COBL: variants seen among roughly 807,000 people sequenced by gnomAD.
COBL encodes protein cordon-bleu.
COBL carries 51 observed loss-of-function variants against 98.8 expected under a neutral mutation model. The observed-to-expected ratio is 0.52, with a 90% CI of 0.41 to 0.65. COBL has a LOEUF of 0.65. COBL is among the 30% of genes least tolerant of loss of function. The pLI is 0.00. For missense variants in COBL, 1,617 were observed against 1,617.5 expected (o/e 1.00, Z 0.01); for synonymous variants, 634 against 651.7 (o/e 0.97, Z 0.41).
chr7:51,308,086 G>A (rs924154653), intron 1 of COBL, among the ~76,000 whole-genome samples: 1 of 152,228 alleles, frequency 6.6e-6, no homozygotes, highest in Non-Finnish European at 1.5e-5. Context: ...AGCCTGGCAA[G>A]GACCTGCCCT....
Position 51,016,721 on chromosome 7 carries a change from G to A in COBL, c.*830C>T, listed in dbSNP as rs975301687. 2 of 381,514 alleles carry A rather than the reference G, an allele frequency of 5.2e-6. No individual in the cohort carries two copies. The highest frequency in any genetic ancestry group is 9.3e-6 in the Non-Finnish European group (2 of 215,704). 23.6% of individuals were successfully genotyped at this position (381,514 alleles called of 1,614,324 possible). On this transcript the variant is annotated 3_prime_UTR_variant, in exon 13 of 13. Coordinates refer to ENST00000265136, the MANE Select transcript of COBL (RefSeq NM_015198.5). ...AGGATTCCAGAAGGCTCCCAGTGAA[G>A]TCATCAGGCTCCGTACACAGGCACC...
chr7:51,221,930 G>A (rs1793685050), intron 1 of COBL, among the ~76,000 whole-genome samples: 1 of 152,202 alleles, frequency 6.6e-6, no homozygotes, highest in South Asian at 2.1e-4. Context: ...GCTCATGCCT[G>A]TAATCCCAGC....
intron 1 of COBL, among the ~76,000 whole-genome samples, chr7:51,313,934 T>C (rs1803298731): frequency 6.6e-6 from 1 of 152,210 alleles, no homozygotes; most frequent in South Asian, 2.1e-4. Flanking sequence ...GACTTGTTAG[T>C]TTTTGCACAC....
chr7:51,298,216 C>T (rs570748378), intron 1 of COBL, among the ~76,000 whole-genome samples: 23 of 152,330 alleles, frequency 1.5e-4, no homozygotes, highest in Admixed American at 3.9e-4. Context: ...AAAAACTGAG[C>T]CACTGTCCAG....
chr7:51,178,007 A>T (rs1185826121), intron 5 of COBL, among the ~76,000 whole-genome samples: 2 of 151,930 alleles, frequency 1.3e-5, no homozygotes, highest in Non-Finnish European at 2.9e-5. Flanking sequence ...TTAGCTGGGC[A>T]TGGTGGTTCG....
At chr7:51,068,256 T>TATGTGC (rs1792155333) in intron 7 of COBL, among the ~76,000 whole-genome samples, 1 of 152,254 alleles carries the variant, frequency 6.6e-6, no homozygotes, top group Non-Finnish European at 1.5e-5. Flanking sequence ...CCAAAGGTTG[T>TATGTGC]ATGTGCACTC....
chr7:51,233,790 A>G (rs960689296), intron 1 of COBL, among the ~76,000 whole-genome samples: 10 of 152,200 alleles, frequency 6.6e-5, no homozygotes, highest in Non-Finnish European at 1.0e-4. Flanking sequence ...GCACATGCCA[A>G]TGTCTAATGG....
chr7:51,086,272 G>A (rs529134265), intron 6 of COBL, among the ~76,000 whole-genome samples: 6 of 147,150 alleles, frequency 4.1e-5, no homozygotes, highest in South Asian at 2.1e-4. Flanking sequence ...CAGGAGAATC[G>A]CTTGAACCCA....
intron 7 of COBL, among the ~76,000 whole-genome samples, chr7:51,084,195 G>A (rs1793968863): frequency 6.6e-6 from 1 of 152,108 alleles, no homozygotes; most frequent in South Asian, 2.1e-4. Context: ...CTGACAAACT[G>A]CCACGGAGCT....
intron 6 of COBL, among the ~76,000 whole-genome samples, chr7:51,092,113 G>A (rs114762049): frequency 1.5e-3 from 222 of 152,242 alleles, no homozygotes; most frequent in African/African-American, 5.1e-3. Flanking sequence ...TCTTAGGAGC[G>A]CAAACCCTAT....
intron 2 of COBL, among the ~76,000 whole-genome samples, chr7:51,211,293 C>T (rs1021052638): frequency 2.0e-5 from 3 of 152,196 alleles, no homozygotes; most frequent in African/African-American, 7.2e-5. Context: ...TGATGGCGCT[C>T]AGAACAGCCT....
At chr7:51,034,509 C>CAAAA (rs1393732195) in intron 8 of COBL, 1 of 152,200 alleles carries the variant, frequency 6.6e-6, no homozygotes, top group Non-Finnish European at 1.5e-5. Context: ...TTTTACTTTC[C>CAAAA]AGTGTAAGAA....
At chr7:51,178,635 T>A (rs1788642186) in intron 5 of COBL, among the ~76,000 whole-genome samples, 1 of 152,146 alleles carries the variant, frequency 6.6e-6, no homozygotes, top group Non-Finnish European at 1.5e-5. Context: ...CTTCTTTTTT[T>A]TTGAGACAGT....
At chr7:51,064,337 A>T (rs1159117233) in intron 7 of COBL, 1 of 149,464 alleles carries the variant, frequency 6.7e-6, no homozygotes, top group Non-Finnish European at 1.5e-5. Flanking sequence ...GATATGCTGG[A>T]TTCACCAGCA....
At chr7:51,212,693 G>T (rs984721796) in intron 2 of COBL, among the ~76,000 whole-genome samples, 2 of 152,170 alleles carry the variant, frequency 1.3e-5, no homozygotes, top group Admixed American at 1.3e-4. Context: ...CGTACTCATC[G>T]AGTATCCCTG....
chr7:51,184,761 G>A (rs1789327088), intron 4 of COBL, among the ~76,000 whole-genome samples: 1 of 152,212 alleles, frequency 6.6e-6, no homozygotes. Flanking sequence ...CATGAGGCCT[G>A]TGGCTGCCAA....
intron 1 of COBL, among the ~76,000 whole-genome samples, chr7:51,315,594 C>G (rs549948815): frequency 2.6e-5 from 4 of 152,164 alleles, no homozygotes; most frequent in Non-Finnish European, 4.4e-5. Flanking sequence ...ATTTGCAAGA[C>G]TCATACACAT....
intron 8 of COBL, among the ~76,000 whole-genome samples, chr7:51,037,618 C>A (rs142493363): frequency 3.9e-4 from 60 of 152,326 alleles, no homozygotes; most frequent in Middle Eastern, 6.8e-3. Context: ...AATGCAACCA[C>A]CACATGCACA....
At chr7:51,273,327 CAAAAAAAAAAAAA>C (rs953811880) in intron 1 of COBL, among the ~76,000 whole-genome samples, 1 of 59,482 alleles carries the variant, frequency 1.7e-5, no homozygotes, top group African/African-American at 4.9e-5. Flanking sequence ...GACTCCATCT[CAAAAAAAAAAAAA>C]AAAAAAGAAA....
Sources: allele counts gnomAD v4.1 joint callset (sites outside exome capture counted in the v4.1 genomes callset), GRCh38; gene constraint gnomAD v4.1.1; transcripts MANE v1.5; gene names NCBI Gene and HGNC (gene_info 2026-07-23, HGNC 2026-07-21).